Variants in YBEY observed in about 807,000 individuals in gnomAD.
The protein encoded by YBEY is endoribonuclease YbeY.
A neutral mutation model predicts 13.5 loss-of-function variants in YBEY; 15 were observed. That is an observed-to-expected ratio of 1.11 (90% CI 0.75 to 1.72). The LOEUF is 1.72. YBEY is among the 40% of genes most tolerant of loss of function. The pLI is 0.00. For missense variants in YBEY, 244 were observed against 208.4 expected (o/e 1.17, Z -1.05); for synonymous variants, 101 against 83.1 (o/e 1.21, Z -1.17).
At chr21:46,294,241 TCA>T (rs2081857541) in intron 3 of YBEY, among the ~76,000 whole-genome samples, 1 of 71,430 alleles carries the variant, frequency 1.4e-5, no homozygotes, top group Non-Finnish European at 3.0e-5. Context: ...TGCCCGGGAC[TCA>T]GTGGAGTCAG....
chr21:46,302,659 G>A (rs867271238), downstream of YBEY: 5 of 1,105,596 alleles, frequency 4.5e-6, no homozygotes, highest in East Asian at 5.1e-5. Flanking sequence ...TAGGACCAGA[G>A]AACAGGTGTG....
the YBEY span, among the ~76,000 whole-genome samples, chr21:46,307,988 G>A: frequency 2.0e-5 from 3 of 151,952 alleles, no homozygotes; most frequent in African/African-American, 4.8e-5. Flanking sequence ...ATAACAGTTT[G>A]GCAGTTTCTT....
downstream of YBEY, chr21:46,297,829 G>A (rs896829642): frequency 3.3e-5 from 39 of 1,182,728 alleles, no homozygotes; most frequent in Non-Finnish European, 4.0e-5. Context: ...TGGAGTTCAG[G>A]GAACGCGTGG....
chr21:46,310,257 G>A, the YBEY span, among the ~76,000 whole-genome samples: 21 of 151,180 alleles, frequency 1.4e-4, no homozygotes, highest in Admixed American at 1.4e-3. Context: ...CGGGTGGATT[G>A]CCTGAGGTCA....
the YBEY span, among the ~76,000 whole-genome samples, chr21:46,308,341 A>G: frequency 6.6e-6 from 1 of 151,812 alleles, no homozygotes; most frequent in East Asian, 2.0e-4. Flanking sequence ...CATGCCTGTA[A>G]TCCCAGCTGC....
At chr21:46,305,285 G>A in the YBEY span, among the ~76,000 whole-genome samples, 1 of 149,740 alleles carries the variant, frequency 6.7e-6, no homozygotes, top group Non-Finnish European at 1.5e-5. Flanking sequence ...GGTCACAATG[G>A]TAAAGTTACA....
the YBEY span, among the ~76,000 whole-genome samples, chr21:46,307,594 G>A: frequency 6.9e-3 from 1,058 of 152,260 alleles, 13 homozygotes; most frequent in African/African-American, 0.024. Context: ...CACTCCAGGG[G>A]CTCCTCATAT....
chr21:46,288,006 C>CT (rs1180745285), intron 2 of YBEY, among the ~76,000 whole-genome samples: 2 of 140,632 alleles, frequency 1.4e-5, no homozygotes, highest in Admixed American at 1.5e-4. Flanking sequence ...GAGCGAAACT[C>CT]TGTCTCAGGA....
At position 46,289,950 on chromosome 21, in the gene YBEY, G is replaced by A. The variant is rs9798613; in HGVS notation, c.211-1384G>A. Reference sequence around the variant, plus strand: ...GGTTGCAGTTTTGTGTGTGTGTAAGGTTGTCATAGCCTTTGTGCAAGGTTG... The same window carrying A: ...GGTTGCAGTTTTGTGTGTGTGTAAGATTGTCATAGCCTTTGTGCAAGGTTG... On this transcript the variant is annotated intron_variant, in intron 2 of 4. Transcript: ENST00000397701. Among the ~76,000 whole-genome samples, 152 of 17,540 alleles carry A rather than the reference G, an allele frequency of 8.7e-3. 1 individual carries two copies. Among genetic ancestry groups the A allele is most frequent in the East Asian group, 0.019 (13 of 696 alleles). 11.5% of individuals were successfully genotyped at this position (17,540 alleles called of 152,430 possible).
downstream of YBEY, among the ~76,000 whole-genome samples, chr21:46,298,453 G>C (rs1025277069): frequency 3.3e-4 from 9 of 27,450 alleles, no homozygotes; most frequent in Admixed American, 2.2e-3. Flanking sequence ...TTTTGAGACG[G>C]AGTCTCGCTC....
downstream of YBEY, among the ~76,000 whole-genome samples, chr21:46,298,006 A>T (rs1217417622): frequency 1.3e-5 from 2 of 152,082 alleles, no homozygotes; most frequent in Admixed American, 6.5e-5. Context: ...CCTCCTGAGT[A>T]TTGGAATATT....
intron 3 of YBEY, among the ~76,000 whole-genome samples, chr21:46,295,487 T>TTCC (rs143683373): frequency 1.3e-5 from 2 of 151,656 alleles, no homozygotes; most frequent in Non-Finnish European, 2.9e-5. Context: ...CTCCCTCCTC[T>TTCC]TCCTCCTCCT....
chr21:46,301,644 T>A, downstream of YBEY: 1 of 1,087,022 alleles, frequency 9.2e-7, no homozygotes, highest in Non-Finnish European at 1.1e-6. Context: ...GCTGGTGGCG[T>A]CCACGGCCTC....
At chr21:46,297,381 G>GTGCC (rs2081987825) in intron 4 of YBEY, among the ~76,000 whole-genome samples, 158 bp from the exon 5 acceptor site, 1 of 25,832 alleles carries the variant, frequency 3.9e-5, no homozygotes, top group African/African-American at 1.8e-4. Flanking sequence ...TCTGGTGAAG[G>GTGCC]TGCCCGGAGC....
At chr21:46,292,286 G>C (rs892588449) in intron 3 of YBEY, 3 of 152,390 alleles carry the variant, frequency 2.0e-5, no homozygotes, top group African/African-American at 7.2e-5. Context: ...GTCCTGAGCA[G>C]TAGGGAATTA....
rs574951572 is a variant in YBEY, at chr21:46,288,872, A to G, written c.210+1749A>G. On this transcript the variant is annotated intron_variant, in intron 2 of 4. Coordinates refer to ENST00000397701, the MANE Select transcript of YBEY (RefSeq NM_001314025.2). Reference sequence around the variant, plus strand: ...GTTTCTACAAAAAATAAAAACAACAATTAGCCGGGCATGGTGGTGTGCAGA... The same window carrying G: ...GTTTCTACAAAAAATAAAAACAACAGTTAGCCGGGCATGGTGGTGTGCAGA... Among the ~76,000 whole-genome samples, 4 of 152,268 alleles carry G rather than the reference A, an allele frequency of 2.6e-5. No individual in the cohort carries two copies. In the South Asian group the frequency reaches 8.3e-4, roughly 32 times the overall value.
At chr21:46,296,996 C>CAAAAAG (rs893078795) in intron 4 of YBEY, among the ~76,000 whole-genome samples, 1 of 137,212 alleles carries the variant, frequency 7.3e-6, no homozygotes, top group Non-Finnish European at 1.6e-5. Flanking sequence ...AAGTCCGTCT[C>CAAAAAG]AAAAAGAAAA....
chr21:46,302,121 C>T, downstream of YBEY: 1 of 1,520,756 alleles, frequency 6.6e-7, no homozygotes, highest in Non-Finnish European at 8.8e-7. Context: ...GGCCTGGCAG[C>T]TCGTGGGACC....
chr21:46,296,336 T>TC, intron 4 of YBEY, 106 bp downstream of exon 4: 1 of 1,239,200 alleles, frequency 8.1e-7, no homozygotes, highest in Admixed American at 2.0e-5. Flanking sequence ...CCGCAGGAAC[T>TC]GGACCTCAGA....
Sources: allele counts gnomAD v4.1 joint callset (sites outside exome capture counted in the v4.1 genomes callset), GRCh38; gene constraint gnomAD v4.1.1; transcripts MANE v1.5; gene names NCBI Gene and HGNC (gene_info 2026-07-23, HGNC 2026-07-21).